Variants in MCCC1 observed in about 807,000 individuals in gnomAD.
MCCC1 encodes methylcrotonoyl-CoA carboxylase subunit alpha, mitochondrial.
A neutral mutation model predicts 83.8 loss-of-function variants in MCCC1; 64 were observed. The ratio of observed to expected loss-of-function variants is 0.76; its 90% CI spans 0.62 to 0.94. The LOEUF (loss-of-function observed/expected upper bound fraction) is 0.94. Among genes scored for constraint, MCCC1 ranks in the 40% least tolerant of loss-of-function variants. MCCC1 has a pLI of 0.00. For missense variants in MCCC1, 807 were observed against 904.7 expected (o/e 0.89, Z 1.39); for synonymous variants, 322 against 315.4 (o/e 1.02, Z -0.22).
chr3:183,054,272 G>A lies in MCCC1; in HGVS notation c.874-2032C>T, dbSNP rs200985289. ...GCGATCTCGGCTCACTGCAAGCTCC[G>A]CCTCCCGGGTTCAGGCCATTCTCCT... On this transcript the variant is annotated intron_variant, in intron 8 of 18. Coordinates refer to ENST00000265594, the MANE Select transcript of MCCC1 (RefSeq NM_020166.5). Among the ~76,000 whole-genome samples the A allele has an allele frequency of 1.3e-4, 19 of 148,588 alleles. No individual in the cohort carries two copies. The East Asian group carries it at 1.8e-3, about 14-fold the overall frequency.
intron 4 of MCCC1, among the ~76,000 whole-genome samples, chr3:183,085,178 G>A (rs868619113): frequency 1.3e-5 from 2 of 152,184 alleles, no homozygotes; most frequent in South Asian, 2.1e-4. Context: ...GCAACACTAC[G>A]GCAATTTACT....
chr3:183,092,485 C>G lies in MCCC1; in HGVS notation c.197G>C (p.Arg66Pro). ...CTGTACACCCAGTTTTTTGGCTGTG[C>G]GCATCACCCTGCAGGCAATTTCTCC... ...NRGEIACRVMRTAKKLGVQTV... is the reference protein window; with the variant it reads ...NRGEIACRVMPTAKKLGVQTV... The change falls in exon 3 of 19, where the codon CGC (arginine) becomes CCC (proline). Residue 66 changes from arginine to proline, a missense_variant. Coordinates refer to ENST00000265594, the MANE Select transcript of MCCC1 (RefSeq NM_020166.5). 2 of 1,614,156 alleles carry G rather than the reference C, an allele frequency of 1.2e-6. No individual in the cohort carries two copies. Among genetic ancestry groups the G allele is most frequent in the Non-Finnish European group, 1.7e-6 (2 of 1,180,034 alleles).
At chr3:183,099,152 G>A (rs981383318) in intron 1 of MCCC1, 200 bp downstream of exon 1, 1 of 623,194 alleles carries the variant, frequency 1.6e-6, no homozygotes, top group Non-Finnish European at 2.8e-6. Flanking sequence ...GTGCGGAAGC[G>A]GGGAGAAAGG....
At chr3:183,045,693 C>T (rs1714503892) in intron 9 of MCCC1, among the ~76,000 whole-genome samples, 153 bp from the exon 10 acceptor site, 1 of 152,196 alleles carries the variant, frequency 6.6e-6, no homozygotes, top group Non-Finnish European at 1.5e-5. Context: ...TTTGCAGCAG[C>T]ATATGAATCT....
upstream of MCCC1, among the ~76,000 whole-genome samples, chr3:183,101,483 C>T (rs560890576): frequency 7.2e-5 from 11 of 152,360 alleles, 1 homozygote; most frequent in South Asian, 2.1e-3. Flanking sequence ...CTGTATCTAG[C>T]TGCTCTGGTG....
intron 7 of MCCC1, among the ~76,000 whole-genome samples, chr3:183,058,044 G>C (rs1393472288): frequency 6.6e-6 from 1 of 152,170 alleles, no homozygotes; most frequent in Admixed American, 6.5e-5. Context: ...ACAGAAAATA[G>C]AGACTAAAGT....
At chr3:183,103,984 C>T (rs1719365112), upstream of MCCC1, among the ~76,000 whole-genome samples, 1 of 152,184 alleles carries the variant, frequency 6.6e-6, no homozygotes, top group African/African-American at 2.4e-5. Context: ...CAGCCGCTGG[C>T]CCGGGTGCTA....
chr3:183,108,226 C>T (rs1422185744), intron 1 of MCCC1, among the ~76,000 whole-genome samples: 1 of 152,150 alleles, frequency 6.6e-6, no homozygotes. Flanking sequence ...AGGGAAATAT[C>T]CAAACTGTGG....
At chr3:183,020,070 T>C in intron 17 of MCCC1, 60 bp downstream of exon 17, 1 of 1,319,324 alleles carries the variant, frequency 7.6e-7, no homozygotes, top group South Asian at 1.2e-5. Flanking sequence ...AAATGACAAG[T>C]TTAACAAAGC....
intron 16 of MCCC1, among the ~76,000 whole-genome samples, chr3:183,021,223 GT>G (rs552873841): frequency 2.0e-4 from 30 of 152,208 alleles, no homozygotes; most frequent in African/African-American, 7.0e-4. Flanking sequence ...GGAAGGTACT[GT>G]CATTATTATT....
chr3:183,107,416 A>G (rs1719422674), intron 1 of MCCC1, among the ~76,000 whole-genome samples: 1 of 151,420 alleles, frequency 6.6e-6, no homozygotes, highest in African/African-American at 2.4e-5. Flanking sequence ...CTCAAAAAAA[A>G]AAAAAGAAAA....
At chr3:183,092,595 G>A (rs1718447610) in intron 2 of MCCC1, 50 bp from the exon 3 acceptor site, 1 of 1,607,316 alleles carries the variant, frequency 6.2e-7, no homozygotes, top group East Asian at 2.2e-5. Flanking sequence ...GGAGAGCAAA[G>A]AATGAGAATG....
At chr3:183,060,070 T>G (rs568519030) in intron 7 of MCCC1, among the ~76,000 whole-genome samples, 2 of 152,358 alleles carry the variant, frequency 1.3e-5, no homozygotes, top group East Asian at 1.9e-4. Flanking sequence ...ATATCTCTCC[T>G]GCTGCTTTCT....
intron 7 of MCCC1, among the ~76,000 whole-genome samples, chr3:183,069,105 T>C (rs1560254607): frequency 6.6e-6 from 1 of 152,228 alleles, no homozygotes; most frequent in Non-Finnish European, 1.5e-5. Context: ...AATGTATTCA[T>C]ATTACTTCTA....
chr3:183,080,297 G>A lies in MCCC1; in HGVS notation c.369+6396C>T, dbSNP rs140827662. On this transcript the variant is annotated intron_variant, in intron 4 of 18. Transcript: ENST00000265594. ...GAATCCCTTTAATAGCACCCAAGTC[G>A]TCTCTTGAATGCTTTTCTGCTTAGA... 3.6e-4 allele frequency among the ~76,000 whole-genome samples: 55 copies of A among 152,166 alleles called. No individual in the cohort carries two copies. In the East Asian group the frequency reaches 6.9e-3, roughly 19 times the overall value.
At chr3:183,114,879 A>T (rs1171707785) in intron 1 of MCCC1, among the ~76,000 whole-genome samples, 1 of 152,124 alleles carries the variant, frequency 6.6e-6, no homozygotes, top group Non-Finnish European at 1.5e-5. Flanking sequence ...TTTTGCTCCT[A>T]GGGATTCCCT....
chr3:183,045,687 C>A (rs1714503587), intron 9 of MCCC1, 147 bp from the exon 10 acceptor site: 5 of 856,256 alleles, frequency 5.8e-6, no homozygotes, highest in Non-Finnish European at 9.3e-6. Flanking sequence ...CTCGCATTTG[C>A]AGCAGCATAT....
chr3:183,053,780 A>G (rs1315069752), intron 8 of MCCC1, among the ~76,000 whole-genome samples: 27 of 148,160 alleles, frequency 1.8e-4, no homozygotes, highest in African/African-American at 3.0e-4. Flanking sequence ...ACTCCAGCCT[A>G]GGCTACAGAG....
intron 1 of MCCC1, among the ~76,000 whole-genome samples, chr3:183,109,824 T>C (rs892787200): frequency 2.0e-5 from 3 of 152,178 alleles, no homozygotes; most frequent in Admixed American, 6.5e-5. Flanking sequence ...CTTTGAGAAA[T>C]CTCCAAACTG....
Sources: allele counts gnomAD v4.1 joint callset (sites outside exome capture counted in the v4.1 genomes callset), GRCh38; gene constraint gnomAD v4.1.1; transcripts MANE v1.5; gene names NCBI Gene and HGNC (gene_info 2026-07-23, HGNC 2026-07-21).